SAFB2: variants seen among roughly 807,000 people sequenced by gnomAD.
SAFB2 encodes scaffold attachment factor B2.
A neutral mutation model predicts 100.6 loss-of-function variants in SAFB2; 32 were observed. The observed-to-expected ratio is 0.32, with a 90% CI of 0.24 to 0.43. The LOEUF (loss-of-function observed/expected upper bound fraction) is 0.43, where lower values mean the gene tolerates loss of function less well. Ranked by LOEUF, SAFB2 falls within the 20% of genes least tolerant of loss-of-function variation. SAFB2 has a pLI of 1.00. For missense variants in SAFB2, 1,185 were observed against 1,163.4 expected (o/e 1.02, Z -0.27); for synonymous variants, 500 against 439.4 (o/e 1.14, Z -1.72).
At chr19:5,601,272 A>G (rs759134953) in intron 11 of SAFB2, among the ~76,000 whole-genome samples, 4 of 152,130 alleles carry the variant, frequency 2.6e-5, no homozygotes, top group African/African-American at 4.8e-5. Flanking sequence ...TGCGACAACC[A>G]CCAGGGTGGC....
intron 14 of SAFB2, among the ~76,000 whole-genome samples, chr19:5,594,748 C>G (rs568143895): frequency 8.5e-5 from 13 of 152,338 alleles, no homozygotes; most frequent in African/African-American, 3.1e-4. Flanking sequence ...GAAGGCTCAG[C>G]CTGTAATCCA....
intron 9 of SAFB2, among the ~76,000 whole-genome samples, chr19:5,609,677 A>G (rs2052863509): frequency 6.6e-6 from 1 of 152,186 alleles, no homozygotes; most frequent in African/African-American, 2.4e-5. Context: ...ATTGAGAGAG[A>G]AGCTGTTTAT....
At position 5,592,765 on chromosome 19, in the gene SAFB2, T is replaced by A. The variant is rs2052439071; in HGVS notation, c.2330A>T (p.Gln777Leu). 6.2e-7 allele frequency: 1 copy of A among 1,614,090 alleles called. No individual in the cohort carries two copies. The highest frequency in any genetic ancestry group is 8.5e-7 in the Non-Finnish European group (1 of 1,179,986). ...DFDHRDRGQY[Q>L]DHAIDRREGS... ...CACTGACCTGTCGATGGCGTGGTCC[T>A]GGTACTGGCCCCGGTCTCGATGATC... The change falls in exon 16 of 21, where the codon CAG becomes CTG. Residue 777 changes from glutamine (Q) to leucine (L), a missense_variant. Around this residue, in one of 3 missense-constraint regions of SAFB2, gnomAD observed 740 missense variants for 687.1 expected, o/e 1.08. Transcript: ENST00000252542.
At chr19:5,598,965 G>T in intron 12 of SAFB2, 81 bp from the exon 13 acceptor site, 2 of 1,303,132 alleles carry the variant, frequency 1.5e-6, no homozygotes, top group Non-Finnish European at 2.2e-6. Flanking sequence ...GATGGACCCT[G>T]GGCTTTTGAA....
At chr19:5,607,683 C>T (rs753371664) in intron 9 of SAFB2, among the ~76,000 whole-genome samples, 3 of 152,190 alleles carry the variant, frequency 2.0e-5, no homozygotes, top group Admixed American at 6.5e-5. Flanking sequence ...ACCACTGGCG[C>T]GCAGAGTAAA....
rs57683849 is a variant in SAFB2 at position 5,612,471 on chromosome 19, T to C, written c.634+69A>G. ...TACAAGATCATAACACAGCTTAAAA[T>C]ATAGACAGCTTTAAAATAATAGTGT... On this transcript the variant is annotated intron_variant, in intron 6 of 20. Transcript: ENST00000252542. The C allele has an allele frequency of 5.0e-5, 69 of 1,373,922 alleles. No individual in the cohort carries two copies. The African/African-American group carries it at 8.7e-4, about 17-fold the overall frequency. The allele number at this position is 1,373,922 out of a possible 1,614,324, so 85.1% of individuals were successfully genotyped here. A position where few individuals can be genotyped will look rare whatever the true frequency, so the allele number is the denominator to read the frequency against.
rs930231211 is a variant in SAFB2, at chr19:5,587,619, C to A, written c.2705+82G>T. 107 of 1,473,880 alleles carry A rather than the reference C, an allele frequency of 7.3e-5. No individual in the cohort carries two copies. The highest frequency in any genetic ancestry group is 9.0e-5 in the Non-Finnish European group (99 of 1,103,502). The allele number at this position is 1,473,880 out of a possible 1,614,324, so 91.3% of individuals were successfully genotyped here. A position where few individuals can be genotyped will look rare whatever the true frequency, so the allele number is the denominator to read the frequency against. On this transcript the variant is annotated intron_variant, in intron 20 of 20. Transcript: ENST00000252542. This position sits in a 1 kb window ranked among gnomAD's most constrained non-coding sequence, Gnocchi z 4.9. ...TTTGTTTTCATAACATCCAACCCAG[C>A]CAGCTGATCAAACATGCAAAAAAGG...
At position 5,587,474 on chromosome 19, in the gene SAFB2, G is replaced by A. The variant is rs2052281517; in HGVS notation, c.2706-75C>T. Reference sequence around the variant, plus strand: ...TCATCGTAACATGGGTTCAGTAACGGTCCCGCAGCCTTTAGAGCGCTTGGG... The same window carrying A: ...TCATCGTAACATGGGTTCAGTAACGATCCCGCAGCCTTTAGAGCGCTTGGG... On this transcript the variant is annotated intron_variant, in intron 20 of 20. Coordinates refer to ENST00000252542, the MANE Select transcript of SAFB2 (RefSeq NM_014649.3). The surrounding 1 kb of genome is among the most constrained non-coding windows in gnomAD (Gnocchi z 4.9). 3 of 1,528,246 alleles carry A rather than the reference G, an allele frequency of 2.0e-6. No individual in the cohort carries two copies. The highest frequency in any genetic ancestry group is 2.7e-6 in the Non-Finnish European group (3 of 1,130,934). 94.7% of individuals were successfully genotyped at this position (1,528,246 alleles called of 1,614,324 possible). A position where few individuals can be genotyped will look rare whatever the true frequency, so the allele number is the denominator to read the frequency against.
rs2052485687 is a variant in SAFB2, at chr19:5,594,162, CCCGCTG to C, written c.1930_1935del (p.Gln644_Arg645del). ...AAGGCCTCGAGGCGTTGCTCCCGCT[CCCGCTG>C]CTCGCGCTCCCTGCGGGGACAGGTG... On this transcript the variant is annotated inframe_deletion, in exon 15 of 21. Transcript: ENST00000252542. 1 of 1,597,276 alleles carries C rather than the reference CCCGCTG, an allele frequency of 6.3e-7. No individual in the cohort carries two copies. Among genetic ancestry groups the C allele is most frequent in the Non-Finnish European group, 8.5e-7 (1 of 1,177,414 alleles).
chr19:5,622,558 T>C lies in SAFB2; in HGVS notation c.158A>G (p.Lys53Arg). Residue 53 changes from lysine to arginine, a missense_variant, in exon 1 of 21, where the codon AAG becomes AGG. Lys to Arg is a conservative substitution (Grantham distance 26, BLOSUM62 2). This residue lies in a region of SAFB2 where 351 missense variants were observed against 341.2 expected (regional missense o/e 1.03). Coordinates refer to ENST00000252542, the MANE Select transcript of SAFB2 (RefSeq NM_014649.3). ...CTTGAGCCGCTCCATCAGGACGCTC[T>C]TGTTGCCGCCCGTGTCCAGGTTCCG... ...KKRNLDTGGNKSVLMERLKKA... is the reference protein window; with the variant it reads ...KKRNLDTGGNRSVLMERLKKA... 2 of 1,613,304 alleles carry C rather than the reference T, an allele frequency of 1.2e-6. No homozygotes were observed. The highest frequency in any genetic ancestry group is 2.2e-5 in the East Asian group (1 of 44,810).
chr19:5,619,561 C>G (rs1296459451), intron 2 of SAFB2, among the ~76,000 whole-genome samples: 1 of 152,176 alleles, frequency 6.6e-6, no homozygotes, highest in East Asian at 1.9e-4. Context: ...CCTGCTAGGC[C>G]GGGCACAGTG....
intron 1 of SAFB2, among the ~76,000 whole-genome samples, 191 bp downstream of exon 1, chr19:5,622,339 G>A (rs2053178796): frequency 6.6e-6 from 1 of 152,184 alleles, no homozygotes; most frequent in Non-Finnish European, 1.5e-5. Flanking sequence ...GATAGGAAGG[G>A]AGGCACAGAG....
intron 5 of SAFB2, 86 bp downstream of exon 5, chr19:5,613,379 C>T: frequency 8.6e-7 from 1 of 1,167,948 alleles, no homozygotes; most frequent in Non-Finnish European, 1.3e-6. Context: ...CAGTCATTTC[C>T]ATACACATAC....
At chr19:5,588,693 G>A (rs2145310421) in intron 18 of SAFB2, among the ~76,000 whole-genome samples, 1 of 152,200 alleles carries the variant, frequency 6.6e-6, no homozygotes, top group African/African-American at 2.4e-5. Flanking sequence ...AGCCAGAAAG[G>A]GACCTGTGGC....
At chr19:5,596,504 C>G (rs2052539120) in intron 13 of SAFB2, among the ~76,000 whole-genome samples, 1 of 152,136 alleles carries the variant, frequency 6.6e-6, no homozygotes, top group African/African-American at 2.4e-5. Context: ...ACCACCATGC[C>G]TGACTAATTT....
chr19:5,591,115 T>A (rs1031613057), intron 17 of SAFB2, among the ~76,000 whole-genome samples: 8 of 152,204 alleles, frequency 5.3e-5, no homozygotes, highest in African/African-American at 1.9e-4. Flanking sequence ...CCATTTGGGT[T>A]CTTGGGGGAC....
intron 8 of SAFB2, chr19:5,610,375 C>T (rs964541306): frequency 1.5e-5 from 9 of 585,862 alleles, no homozygotes; most frequent in South Asian, 8.6e-5. Flanking sequence ...CTCTAAAATC[C>T]TTGAAACAGT....
chr19:5,588,391 C>T (rs528341190), intron 18 of SAFB2, among the ~76,000 whole-genome samples: 1 of 152,264 alleles, frequency 6.6e-6, no homozygotes, highest in South Asian at 2.1e-4. Flanking sequence ...CCCAGCAAAC[C>T]CATTCCTACC....
chr19:5,604,713 G>A lies in SAFB2; in HGVS notation c.1447-18C>T. ...TTTTTGGCCTAAAATATAATAGACA[G>A]AAATGATGTGTGGCCCAGAGCTTCT... On this transcript the variant is annotated intron_variant, in intron 10 of 20. Transcript: ENST00000252542. The A allele has an allele frequency of 6.2e-7, 1 of 1,614,050 alleles. No homozygotes were observed. Among genetic ancestry groups the A allele is most frequent in the Non-Finnish European group, 8.5e-7 (1 of 1,179,940 alleles).
Sources: allele counts gnomAD v4.1 joint callset (sites outside exome capture counted in the v4.1 genomes callset), GRCh38; gene constraint gnomAD v4.1.1; regional missense constraint gnomAD v4.1.1; non-coding constraint Gnocchi (gnomAD v3.1); transcripts MANE v1.5; gene names NCBI Gene and HGNC (gene_info 2026-07-23, HGNC 2026-07-21).